PLD4: variants seen among roughly 807,000 people sequenced by gnomAD.
The protein encoded by PLD4 is 5'-3' exonuclease PLD4.
PLD4 carries 54 observed loss-of-function variants against 52.3 expected under a neutral mutation model. That is an observed-to-expected ratio of 1.03 (90% CI 0.83 to 1.30). The LOEUF (loss-of-function observed/expected upper bound fraction) is 1.30. Ranked by LOEUF, PLD4 falls within the 50% of genes most tolerant of loss-of-function variation. PLD4 has a pLI of 0.00. For synonymous variants in PLD4, 264 were observed against 286.5 expected, an observed-to-expected ratio of 0.92 and a Z score of 0.79; for missense variants, 731 against 671.1, an observed-to-expected ratio of 1.09 and a Z score of -0.99.
intron 7 of PLD4, 43 bp from the exon 8 acceptor site, chr14:104,931,705 G>A: frequency 6.4e-7 from 1 of 1,553,154 alleles, no homozygotes; most frequent in Non-Finnish European, 8.7e-7. Flanking sequence ...GTTCAGAATG[G>A]GCTGGGCTGG....
rs769308299 is a variant in PLD4 at position 104,932,117 on chromosome 14, C to G, written c.1164C>G (p.Phe388Leu). The change falls in exon 9 of 11, where the codon TTC becomes TTG. Residue 388 changes from phenylalanine (F) to leucine (L), a missense_variant. Phe to Leu is a conservative substitution (Grantham distance 22). Coordinates refer to ENST00000392593, the MANE Select transcript of PLD4 (RefSeq NM_138790.5). The surrounding 1 kb of genome is among the most constrained non-coding windows in gnomAD (Gnocchi z 6.5). Reference sequence around the variant, plus strand: ...GACTCAACACGGACCCCACCATGTTCCCCTACCTGCGGTCCCTGCAGGCGC... The same window carrying G: ...GACTCAACACGGACCCCACCATGTTGCCCTACCTGCGGTCCCTGCAGGCGC... The part of the protein sequence containing the change: ...GCGLNTDPTM[F>L]PYLRSLQALS... 1 of 1,611,368 alleles carries G rather than the reference C, an allele frequency of 6.2e-7. No homozygotes were observed. Among genetic ancestry groups the G allele is most frequent in the East Asian group, 2.2e-5 (1 of 44,850 alleles).
In PLD4 at chr14:104,932,691, G is replaced by A; in HGVS notation, c.1322-74G>A. 1 of 1,397,986 alleles carries A rather than the reference G, an allele frequency of 7.2e-7. No individual in the cohort carries two copies. The highest frequency in any genetic ancestry group is 9.5e-7 in the Non-Finnish European group (1 of 1,049,320). The allele number at this position is 1,397,986 out of a possible 1,614,324, so 86.6% of individuals were successfully genotyped here. On this transcript the variant is annotated intron_variant, in intron 10 of 10. Transcript: ENST00000392593. This position sits in a 1 kb window ranked among gnomAD's most constrained non-coding sequence, Gnocchi z 6.5. ...CCAACCGTCCCCAAACCCGTAGCCG[G>A]GCCTGGCGCTGAGCGGGCTGCAGAG...
In PLD4 at chr14:104,931,838, G is replaced by A; in HGVS notation, c.1009G>A (p.Ala337Thr). 6.4e-7 allele frequency: 1 copy of A among 1,567,106 alleles called. No individual in the cohort carries two copies. The highest frequency in any genetic ancestry group is 8.7e-7 in the Non-Finnish European group (1 of 1,155,144). Residue 337 changes from alanine to threonine, a missense_variant, in exon 8 of 11, where the codon GCC (alanine) becomes ACC (threonine). Transcript: ENST00000392593. The part of the protein sequence containing the change: ...VMGSAQEFIY[A>T]SVMEYFPTTR... ...GGGGAGCGCCCAGGAGTTCATCTAT[G>A]CCTCCGTGATGGAGTATTTCCCCAC...
rs1248164565 is a variant in PLD4, at chr14:104,927,845, G to T, written c.263G>T (p.Arg88Met). The T allele has an allele frequency of 6.3e-7, 1 of 1,580,568 alleles. No individual in the cohort carries two copies. The highest frequency in any genetic ancestry group is 8.6e-7 in the Non-Finnish European group (1 of 1,167,074). Residue 88 changes from arginine to methionine, a missense_variant, in exon 3 of 11, where the codon AGG becomes ATG. Physicochemically the swap from Arg to Met is moderately conservative, Grantham distance 91. Coordinates refer to ENST00000392593, the MANE Select transcript of PLD4 (RefSeq NM_138790.5). ...PAWEPLEAEA[R>M]QQRDSCQLVL... ...TGGGAGCCCCTGGAAGCAGAGGCCAGGCAGCAGAGGGACTCCTGCCAGTAA... is the reference window on the plus strand; with the variant it reads ...TGGGAGCCCCTGGAAGCAGAGGCCATGCAGCAGAGGGACTCCTGCCAGTAA...
intron 5 of PLD4, 140 bp from the exon 6 acceptor site, chr14:104,929,838 G>T: frequency 9.9e-7 from 1 of 1,005,412 alleles, no homozygotes. Flanking sequence ...ATAAAATGGG[G>T]ATGAGGATAG....
rs568614468 is a variant in PLD4 at position 104,929,005 on chromosome 14, C to T, written c.468+73C>T. ...AAGTCAGGCTGCCTATCTATGCAGG[C>T]GTCTCGGGCACCAGGCCCGGGGGCT... is the stretch of plus-strand genomic sequence containing the variant. On this transcript the variant is annotated intron_variant, in intron 4 of 10. Coordinates refer to ENST00000392593, the MANE Select transcript of PLD4 (RefSeq NM_138790.5). 1.1e-4 allele frequency: 169 copies of T among 1,506,514 alleles called. 1 individual carries two copies. The highest frequency in any genetic ancestry group is 1.0e-3 in the Middle Eastern group (5 of 4,934). 93.3% of individuals were successfully genotyped at this position (1,506,514 alleles called of 1,614,324 possible). A position where few individuals can be genotyped will look rare whatever the true frequency, so the allele number is the denominator to read the frequency against.
Position 104,932,276 on chromosome 14 carries a change from G to A in PLD4, c.1242G>A (p.Pro414=), listed in dbSNP as rs746059278. Residue 414 remains proline (P), a synonymous_variant, in exon 10 of 11, where the codon CCG becomes CCA. Transcript: ENST00000392593. The surrounding 1 kb of genome is among the most constrained non-coding windows in gnomAD (Gnocchi z 6.5). Reference sequence around the variant, plus strand: ...CCCCTAAGAAAGTCTTCATCGTGCCGGTGGGGAACCATTCCAACATCCCAT... The same window carrying A: ...CCCCTAAGAAAGTCTTCATCGTGCCAGTGGGGAACCATTCCAACATCCCAT... The part of the protein sequence containing the change: ...VSVDVKVFIV[P]VGNHSNIPFS... 3.1e-6 allele frequency: 5 copies of A among 1,612,606 alleles called. No individual in the cohort carries two copies. Among genetic ancestry groups the A allele is most frequent in the Non-Finnish European group, 4.2e-6 (5 of 1,179,864 alleles).
chr14:104,928,657 T>C (rs368453051), intron 3 of PLD4, 92 bp from the exon 4 acceptor site: 2 of 1,345,540 alleles, frequency 1.5e-6, no homozygotes, highest in African/African-American at 1.5e-5. Flanking sequence ...GAGCAACGGT[T>C]GCTCTGGCTT....
intron 4 of PLD4, 60 bp from the exon 5 acceptor site, chr14:104,929,247 T>G (rs1897559013): frequency 2.6e-6 from 4 of 1,566,706 alleles, no homozygotes; most frequent in Admixed American, 1.9e-5. Context: ...TGGGTCCTAG[T>G]GGGGATGCGG....
downstream of PLD4, chr14:104,937,124 G>C (rs2140810703): frequency 6.6e-6 from 1 of 152,390 alleles, no homozygotes; most frequent in South Asian, 2.1e-4. Flanking sequence ...ATGGATGATA[G>C]GTAGGCAACC....
rs1178653646 is a variant in PLD4 at position 104,933,159 on chromosome 14, T to TCCTCCAGGGAGC, written c.*204_*215dup. 3.4e-6 allele frequency: 2 copies of TCCTCCAGGGAGC among 595,040 alleles called. No individual in the cohort carries two copies. Among genetic ancestry groups the TCCTCCAGGGAGC allele is most frequent in the Non-Finnish European group, 5.5e-6 (2 of 361,144 alleles). The allele number at this position is 595,040 out of a possible 1,614,324, so 36.9% of individuals were successfully genotyped here. Reference sequence around the variant, plus strand: ...AGTCCAGCCCCCCCTGAGCCCCACCTCCTCCAGGGAGCCCTCCAGGAAGCC... The same window carrying TCCTCCAGGGAGC: ...AGTCCAGCCCCCCCTGAGCCCCACCTCCTCCAGGGAGCCCTCCAGGGAGCCCTCCAGGAAGCC... On this transcript the variant is annotated 3_prime_UTR_variant, in exon 11 of 11. Transcript: ENST00000392593.
chr14:104,932,656 G>A lies in PLD4; in HGVS notation c.1322-109G>A. The stretch of plus-strand genomic sequence containing the variant: ...CGGCTGGAGTCTGATGACAGTGGAG[G>A]GGCCAGCTGCCAACCGTCCCCAAAC... On this transcript the variant is annotated intron_variant, in intron 10 of 10. Transcript: ENST00000392593. The surrounding 1 kb of genome is among the most constrained non-coding windows in gnomAD (Gnocchi z 6.5). 1.7e-6 allele frequency: 2 copies of A among 1,159,926 alleles called. No individual in the cohort carries two copies. The highest frequency in any genetic ancestry group is 3.3e-5 in the South Asian group (2 of 61,510). 71.9% of individuals were successfully genotyped at this position (1,159,926 alleles called of 1,614,324 possible).
Position 104,932,008 on chromosome 14 carries a change from C to A in PLD4, c.1059-4C>A. ...AGCAGAGCCCCGTCCCTCCCCACCC[C>A]AAGGTACTGGCCGGTGCTGGACAAC... On this transcript the variant is annotated splice_region_variant and splice_polypyrimidine_tract_variant and intron_variant, in intron 8 of 10. Transcript: ENST00000392593. The surrounding 1 kb of genome is among the most constrained non-coding windows in gnomAD (Gnocchi z 6.5). 1.9e-6 allele frequency: 3 copies of A among 1,582,040 alleles called. No homozygotes were observed. The highest frequency in any genetic ancestry group is 2.3e-5 in the East Asian group (1 of 44,444).
downstream of PLD4, chr14:104,934,724 CTG>C (rs1163952683): frequency 6.6e-6 from 1 of 152,288 alleles, no homozygotes; most frequent in East Asian, 1.9e-4. Context: ...CCCTGCCACA[CTG>C]TGAACTCAGC....
chr14:104,929,293 GC>G lies in PLD4; in HGVS notation c.469-12del. 1 of 1,583,596 alleles carries G rather than the reference GC, an allele frequency of 6.3e-7. No homozygotes were observed. On this transcript the variant is annotated splice_polypyrimidine_tract_variant and intron_variant, in intron 4 of 10. Transcript: ENST00000392593. ...AGCCTGAGGTCAGCTCTCATGGCTGGCCTGGCCTTGCAGGGAGAGGCTCTTC... is the reference window on the plus strand; with the variant it reads ...AGCCTGAGGTCAGCTCTCATGGCTGGCTGGCCTTGCAGGGAGAGGCTCTTC...
At chr14:104,934,351 C>A (rs1897765009), downstream of PLD4, 1 of 152,166 alleles carries the variant, frequency 6.6e-6, no homozygotes, top group Non-Finnish European at 1.5e-5. Context: ...CTGGAACTCA[C>A]CCTATCCTGG....
At chr14:104,925,916 C>T (rs1049117007) in intron 1 of PLD4, among the ~76,000 whole-genome samples, 1 of 152,150 alleles carries the variant, frequency 6.6e-6, no homozygotes, top group Non-Finnish European at 1.5e-5. Context: ...CTCCTACCCC[C>T]AATCCCCCAT....
chr14:104,932,021 G>A lies in PLD4; in HGVS notation c.1068G>A (p.Pro356=). The A allele has an allele frequency of 6.3e-7, 1 of 1,596,648 alleles. No individual in the cohort carries two copies. Among genetic ancestry groups the A allele is most frequent in the Non-Finnish European group, 8.5e-7 (1 of 1,173,988 alleles). The part of the protein sequence containing the change: ...TRFSHPPRYW[P]VLDNALRAAA... ...CCCTCCCCACCCCAAGGTACTGGCC[G>A]GTGCTGGACAACGCGCTGCGGGCGG... Residue 356 remains proline, a synonymous_variant, in exon 9 of 11, where the codon CCG becomes CCA. Coordinates refer to ENST00000392593, the MANE Select transcript of PLD4 (RefSeq NM_138790.5). The surrounding 1 kb of genome is among the most constrained non-coding windows in gnomAD (Gnocchi z 6.5).
downstream of PLD4, chr14:104,933,697 G>A: frequency 3.2e-5 from 1 of 31,484 alleles, no homozygotes; most frequent in African/African-American, 1.8e-4. Context: ...GCGACCCGCG[G>A]CTGAGTGAGG....
Sources: gnomAD v4.1 joint callset for allele counts (sites outside exome capture counted in the v4.1 genomes callset) on GRCh38, gnomAD v4.1.1 for gene constraint, Gnocchi (gnomAD v3.1) non-coding constraint, MANE v1.5 for transcripts, NCBI Gene and HGNC (gene_info 2026-07-23, HGNC 2026-07-21) for gene names.